Variants in PRMT3 observed in about 807,000 individuals in gnomAD.
The protein encoded by PRMT3 is protein arginine methyltransferase 3.
Under a neutral mutation model 71.9 loss-of-function variants are expected in PRMT3, and 62 were observed. The observed-to-expected ratio is 0.86, with a 90% CI of 0.70 to 1.07. PRMT3 has a LOEUF of 1.07. Ranked by LOEUF, PRMT3 falls within the 50% of genes least tolerant of loss-of-function variation. The pLI is 0.00. For missense variants in PRMT3, 663 were observed against 643.0 expected, an observed-to-expected ratio of 1.03 and a Z score of -0.34; for synonymous variants, 213 against 220.4, an observed-to-expected ratio of 0.97 and a Z score of 0.30.
At chr11:20,445,544 A>G (rs1850006836) in intron 10 of PRMT3, among the ~76,000 whole-genome samples, 1 of 152,124 alleles carries the variant, frequency 6.6e-6, no homozygotes. Context: ...TAGTTGTGAA[A>G]TGTACCATAC....
At position 20,447,794 on chromosome 11, in the gene PRMT3, T is replaced by C. The variant is rs956813159; in HGVS notation, c.994-4336T>C. 2.6e-5 allele frequency among the ~76,000 whole-genome samples: 4 copies of C among 152,030 alleles called. No homozygotes were observed. In the South Asian group the frequency reaches 6.2e-4, roughly 24 times the overall value. Reference sequence around the variant, plus strand: ...AGTTGCGTTGTTTACCAAGATCTTATTGTGTTTGTTTGCCTGCTTATTTAT... The same window carrying C: ...AGTTGCGTTGTTTACCAAGATCTTACTGTGTTTGTTTGCCTGCTTATTTAT... On this transcript the variant is annotated intron_variant, in intron 10 of 15. Coordinates refer to ENST00000331079, the MANE Select transcript of PRMT3 (RefSeq NM_005788.4).
At chr11:20,474,215 A>AGCTGT (rs993819387) in intron 13 of PRMT3, among the ~76,000 whole-genome samples, 21 of 152,304 alleles carry the variant, frequency 1.4e-4, no homozygotes, top group Admixed American at 1.1e-3. Context: ...TTGGTAGTGA[A>AGCTGT]GCTGTGCTGT....
intron 12 of PRMT3, among the ~76,000 whole-genome samples, chr11:20,462,429 A>G (rs1364719158): frequency 1.3e-5 from 2 of 152,100 alleles, no homozygotes; most frequent in East Asian, 1.9e-4. Context: ...AATAATTTAT[A>G]TTTACTTTGG....
intron 10 of PRMT3, among the ~76,000 whole-genome samples, chr11:20,440,126 C>G (rs145580335): frequency 1.7e-4 from 26 of 152,254 alleles, no homozygotes; most frequent in African/African-American, 6.0e-4. Flanking sequence ...GGAAAAAGAG[C>G]TTTAGAAGAT....
intron 10 of PRMT3, among the ~76,000 whole-genome samples, chr11:20,442,233 TGTA>T (rs1395248769): frequency 2.0e-5 from 3 of 152,324 alleles, no homozygotes; most frequent in Non-Finnish European, 1.5e-5. Flanking sequence ...TAAAGTCACT[TGTA>T]GTCACTATTT....
intron 13 of PRMT3, among the ~76,000 whole-genome samples, chr11:20,476,430 T>C (rs184299976): frequency 1.3e-5 from 2 of 151,202 alleles, no homozygotes; most frequent in African/African-American, 4.8e-5. Flanking sequence ...TTAATATGAA[T>C]GATGAACATT....
At chr11:20,414,028 A>G (rs995954233) in intron 9 of PRMT3, among the ~76,000 whole-genome samples, 1 of 152,142 alleles carries the variant, frequency 6.6e-6, no homozygotes, top group African/African-American at 2.4e-5. Flanking sequence ...ATAGTCTTTT[A>G]TTCCTTCAAA....
At chr11:20,412,227 C>T (rs1318137483) in intron 9 of PRMT3, among the ~76,000 whole-genome samples, 1 of 152,020 alleles carries the variant, frequency 6.6e-6, no homozygotes, top group Non-Finnish European at 1.5e-5. Context: ...TGTCTTACCT[C>T]ATGCTAGATG....
Position 20,396,044 on chromosome 11 carries a change from C to T in PRMT3, c.560+82C>T, listed in dbSNP as rs1007064470. The T allele has an allele frequency of 1.5e-5, 19 of 1,268,218 alleles. No homozygotes were observed. The African/African-American group carries it at 1.9e-4, about 13-fold the overall frequency. The allele number at this position is 1,268,218 out of a possible 1,614,324, so 78.6% of individuals were successfully genotyped here. ...AATGGCAAAGTAGAATATAGTAGAA[C>T]ATTTCATATACTGGAAAGTACAATG... On this transcript the variant is annotated intron_variant, in intron 6 of 15. Coordinates refer to ENST00000331079, the MANE Select transcript of PRMT3 (RefSeq NM_005788.4).
Position 20,473,662 on chromosome 11 carries a change from T to G in PRMT3, c.1347+9116T>G, listed in dbSNP as rs528012069. 2.3e-3 allele frequency among the ~76,000 whole-genome samples: 356 copies of G among 152,306 alleles called. 2 individuals carry two copies. Among genetic ancestry groups the G allele is most frequent in the African/African-American group, 8.3e-3 (344 of 41,560 alleles). ...GTAATGTTTTACCATGATTCTTAGC[T>G]TCTTTACATTGGGTTGCAACGTGCT... On this transcript the variant is annotated intron_variant, in intron 13 of 15. Transcript: ENST00000331079.
intron 13 of PRMT3, 43 bp from the exon 14 acceptor site, chr11:20,493,876 A>T: frequency 7.6e-7 from 1 of 1,318,404 alleles, no homozygotes; most frequent in African/African-American, 1.5e-5. Flanking sequence ...TATATTATGT[A>T]ATTCATTTAG....
Position 20,387,943 on chromosome 11 carries a change from C to T in PRMT3, c.29-76C>T. The T allele has an allele frequency of 6.2e-7, 1 of 1,604,150 alleles. No homozygotes were observed. Among genetic ancestry groups the T allele is most frequent in the Admixed American group, 1.7e-5 (1 of 59,346 alleles). On this transcript the variant is annotated intron_variant, in intron 1 of 15. Transcript: ENST00000331079. This position sits in a 1 kb window ranked among gnomAD's most constrained non-coding sequence, Gnocchi z 4.3. The stretch of plus-strand genomic sequence containing the variant: ...CGGGCGAACGGGGCGGAGGAGAGCC[C>T]ATCGTCACCTGCTCCTCGAGCCCCC...
rs937215034 is a variant in PRMT3 at position 20,478,173 on chromosome 11, C to T, written c.1347+13627C>T. ...GTGGTTTTAATGAGAAATGTTTAGTCAGTCTAGTGTTTTCTTTTTGTTATG... is the reference window on the plus strand; with the variant it reads ...GTGGTTTTAATGAGAAATGTTTAGTTAGTCTAGTGTTTTCTTTTTGTTATG... On this transcript the variant is annotated intron_variant, in intron 13 of 15. Transcript: ENST00000331079. 9.3e-4 allele frequency among the ~76,000 whole-genome samples: 141 copies of T among 152,130 alleles called. 2 individuals are homozygous for T. The highest frequency in any genetic ancestry group is 1.9e-4 in the Non-Finnish European group (13 of 68,024).
At chr11:20,394,606 G>A (rs1176571694) in intron 5 of PRMT3, among the ~76,000 whole-genome samples, 1 of 152,070 alleles carries the variant, frequency 6.6e-6, no homozygotes, top group South Asian at 2.1e-4. Flanking sequence ...TATTTTTGTG[G>A]TGAGAACAGT....
At chr11:20,491,434 G>T (rs1851204162) in intron 13 of PRMT3, among the ~76,000 whole-genome samples, 1 of 152,176 alleles carries the variant, frequency 6.6e-6, no homozygotes, top group Admixed American at 6.5e-5. Flanking sequence ...TGTAAACTGT[G>T]TGTCTTGTTA....
intron 10 of PRMT3, among the ~76,000 whole-genome samples, chr11:20,440,620 C>T (rs1369703857): frequency 6.6e-6 from 1 of 150,662 alleles, no homozygotes; most frequent in Non-Finnish European, 1.5e-5. Context: ...CTTTTATGTA[C>T]AATGATGATG....
At chr11:20,418,533 T>C (rs1246301622) in intron 9 of PRMT3, among the ~76,000 whole-genome samples, 1 of 152,212 alleles carries the variant, frequency 6.6e-6, no homozygotes, top group Non-Finnish European at 1.5e-5. Context: ...TTATAACTTG[T>C]AGCAGACAAT....
At chr11:20,468,985 A>T (rs934198270) in intron 13 of PRMT3, among the ~76,000 whole-genome samples, 1 of 152,076 alleles carries the variant, frequency 6.6e-6, no homozygotes, top group Non-Finnish European at 1.5e-5. Context: ...TGATATTTAT[A>T]TGTAAATGTC....
intron 2 of PRMT3, 36 bp downstream of exon 2, chr11:20,388,190 G>T: frequency 6.2e-7 from 1 of 1,611,028 alleles, no homozygotes; most frequent in Non-Finnish European, 8.5e-7. Flanking sequence ...CTGCCCTAGG[G>T]TGCCCGGGCG....
Sources: allele counts gnomAD v4.1 joint callset (sites outside exome capture counted in the v4.1 genomes callset), GRCh38; gene constraint gnomAD v4.1.1; non-coding constraint Gnocchi (gnomAD v3.1); transcripts MANE v1.5; gene names NCBI Gene and HGNC (gene_info 2026-07-23, HGNC 2026-07-21).